The following CAPN5 variants were observed in gnomAD, a reference collection of about 807,000 sequenced individuals.
CAPN5 encodes the protein calpain 5, also known as calpain-5.
Under a neutral mutation model 73.0 loss-of-function variants are expected in CAPN5, and 54 were observed. The ratio of observed to expected loss-of-function variants is 0.74; its 90% confidence interval spans 0.59 to 0.93. The LOEUF (loss-of-function observed/expected upper bound fraction) is 0.93, where lower values mean the gene tolerates loss of function less well. Ranked by LOEUF, CAPN5 falls within the 40% of genes least tolerant of loss-of-function variation. The pLI, the probability that CAPN5 is intolerant of heterozygous loss-of-function variation, is 0.00. For synonymous variants in CAPN5, 335 were observed against 356.9 expected (o/e 0.94, Z 0.69); for missense variants, 785 against 882.9 (o/e 0.89, Z 1.41).
intron 1 of CAPN5, among the ~76,000 whole-genome samples, chr11:77,077,006 C>G (rs1202540495): frequency 1.3e-5 from 2 of 152,208 alleles, no homozygotes; most frequent in African/African-American, 4.8e-5. Context: ...GTTTCCTTTT[C>G]TCCATATCCT....
At chr11:77,115,620 G>C in intron 6 of CAPN5, 32 bp downstream of exon 6, 1 of 1,574,418 alleles carries the variant, frequency 6.4e-7, no homozygotes, top group Non-Finnish European at 8.7e-7. Flanking sequence ...GCAGGCACAG[G>C]GCATGAGGGC....
At chr11:77,093,897 T>C (rs1464519859) in intron 3 of CAPN5, 84 bp downstream of exon 3, 11 of 1,541,218 alleles carry the variant, frequency 7.1e-6, no homozygotes, top group African/African-American at 5.4e-5. Context: ...CGGAACCTGA[T>C]TGTGGCAGAT....
intron 2 of CAPN5, chr11:77,087,986 T>C (rs1950107509): frequency 1.3e-6 from 2 of 1,535,530 alleles, no homozygotes; most frequent in African/African-American, 2.7e-5. Context: ...GCTGGGGAGA[T>C]GCACGGAGAA....
chr11:77,106,825 AT>A (rs1950353119), intron 3 of CAPN5, among the ~76,000 whole-genome samples: 1 of 152,230 alleles, frequency 6.6e-6, no homozygotes, highest in African/African-American at 2.4e-5. Context: ...GCCAGTGCCG[AT>A]GGCAGCAGGC....
chr11:77,088,730 T>A (rs1950118029), intron 2 of CAPN5, among the ~76,000 whole-genome samples: 1 of 152,206 alleles, frequency 6.6e-6, no homozygotes, highest in Non-Finnish European at 1.5e-5. Context: ...AGGGAGCCTC[T>A]GCAGATATAG....
Position 77,099,591 on chromosome 11 carries a change from T to C in CAPN5, c.297+5778T>C, listed in dbSNP as rs1299327765. ...AAAACCAGTCAGGCGTGGTGGCGCG[T>C]GCCTGCAATCGCAGGCACTTGGCAG... On this transcript the variant is annotated intron_variant, in intron 3 of 12. Coordinates refer to ENST00000648180, the MANE Select transcript of CAPN5 (RefSeq NM_004055.5). 7.4e-5 allele frequency among the ~76,000 whole-genome samples: 11 copies of C among 149,306 alleles called. No individual in the cohort carries two copies. In the East Asian group the frequency reaches 8.5e-4, roughly 11 times the overall value.
At position 77,123,765 on chromosome 11, in the gene CAPN5, C is replaced by T. The variant is rs782386651; in HGVS notation, c.1818C>T (p.Ala606=). The change falls in exon 13 of 13, where the codon GCC becomes GCT. Residue 606 remains alanine (A), a synonymous_variant. Transcript: ENST00000648180. Reference sequence around the variant, plus strand: ...AGGCTGACCCGGACAACCTCCAGGCCCTGCATACCCTCCACCTCCGGGACC... The same window carrying T: ...AGGCTGACCCGGACAACCTCCAGGCTCTGCATACCCTCCACCTCCGGGACC... The part of the protein sequence containing the change: ...HLKADPDNLQ[A]LHTLHLRDRN... 2.0e-5 allele frequency: 33 copies of T among 1,613,822 alleles called. No individual in the cohort carries two copies. In the African/African-American group the frequency reaches 4.1e-4, roughly 20 times the overall value.
Position 77,114,410 on chromosome 11 carries a change from C to A in CAPN5, c.675C>A (p.Gly225=), listed in dbSNP as rs140555115. 172 of 1,614,046 alleles carry A rather than the reference C, an allele frequency of 1.1e-4. 2 individuals carry two copies. The highest frequency in any genetic ancestry group is 3.7e-4 in the Admixed American group (22 of 60,008). Residue 225 remains glycine (G), a synonymous_variant, in exon 5 of 13, where the codon GGC becomes GGA. Coordinates refer to ENST00000648180, the MANE Select transcript of CAPN5 (RefSeq NM_004055.5). ...FERMLKVHSR[G]GLISASIKAV... ...GCATGTTAAAGGTGCACAGCCGGGG[C>A]GGCCTCATCAGTGCCTCCATCAAGG...
chr11:77,073,422 C>T (rs1949932221), intron 1 of CAPN5, among the ~76,000 whole-genome samples: 1 of 152,192 alleles, frequency 6.6e-6, no homozygotes, highest in Non-Finnish European at 1.5e-5. Context: ...CCCTACACTC[C>T]CTCCTGCTCA....
chr11:77,096,569 C>T (rs1950210475), intron 3 of CAPN5, among the ~76,000 whole-genome samples: 3 of 152,220 alleles, frequency 2.0e-5, no homozygotes, highest in Admixed American at 1.3e-4. Flanking sequence ...TTAGCTTCCC[C>T]GACTTGATGG....
intron 1 of CAPN5, among the ~76,000 whole-genome samples, chr11:77,073,823 G>A (rs1949937397): frequency 1.3e-5 from 2 of 152,202 alleles, no homozygotes; most frequent in African/African-American, 4.8e-5. Flanking sequence ...GGTGGCTGGA[G>A]TGACTCACTG....
chr11:77,070,131 C>T (rs914660660), intron 1 of CAPN5, among the ~76,000 whole-genome samples: 3 of 152,184 alleles, frequency 2.0e-5, no homozygotes, highest in African/African-American at 4.8e-5. Context: ...GTTGTTTGCA[C>T]GTGTGCTTCC....
chr11:77,102,991 C>T (rs995804414), intron 3 of CAPN5: 5 of 1,613,490 alleles, frequency 3.1e-6, no homozygotes, highest in South Asian at 1.1e-5. Flanking sequence ...CCAGCGGAGT[C>T]TGTGTACCGC....
intron 1 of CAPN5, among the ~76,000 whole-genome samples, chr11:77,084,037 G>A (rs561295672): frequency 2.0e-4 from 31 of 152,324 alleles, no homozygotes; most frequent in Non-Finnish European, 3.5e-4. Flanking sequence ...GGATGGGGGC[G>A]TGGATCATAA....
intron 3 of CAPN5, among the ~76,000 whole-genome samples, chr11:77,100,556 C>A (rs1555038672): frequency 6.6e-6 from 1 of 152,154 alleles, no homozygotes; most frequent in African/African-American, 2.4e-5. Flanking sequence ...AGAAGTTGAT[C>A]ACACCCACCT....
At chr11:77,103,305 G>C in intron 3 of CAPN5, 2 of 1,611,008 alleles carry the variant, frequency 1.2e-6, no homozygotes, top group Non-Finnish European at 1.7e-6. Context: ...CAACCTCAAG[G>C]CCTCCGTGGT....
At chr11:77,076,973 A>G (rs1555033998) in intron 1 of CAPN5, among the ~76,000 whole-genome samples, 1 of 152,244 alleles carries the variant, frequency 6.6e-6, no homozygotes. Flanking sequence ...ACTAATTTAC[A>G]TTCCCACCAA....
intron 1 of CAPN5, among the ~76,000 whole-genome samples, chr11:77,076,413 C>T (rs781485679): frequency 7.9e-5 from 12 of 152,186 alleles, no homozygotes; most frequent in Non-Finnish European, 1.3e-4. Context: ...TAACTATTGT[C>T]ACCATGTTAC....
intron 3 of CAPN5, among the ~76,000 whole-genome samples, chr11:77,094,057 C>T (rs1209103390): frequency 1.3e-5 from 2 of 152,250 alleles, no homozygotes; most frequent in Admixed American, 1.3e-4. Flanking sequence ...TGATGTGTCC[C>T]CCCCAACACT....
Sources: gnomAD v4.1 joint callset for allele counts (sites outside exome capture counted in the v4.1 genomes callset) on GRCh38, gnomAD v4.1.1 for gene constraint, MANE v1.5 for transcripts, NCBI Gene and HGNC (gene_info 2026-07-23, HGNC 2026-07-21) for gene names.